Variants in PTPRU observed in about 807,000 individuals in gnomAD.
PTPRU encodes protein tyrosine phosphatase receptor type U, also known as receptor-type tyrosine-protein phosphatase U.
PTPRU carries 69 observed loss-of-function variants against 166.3 expected under a neutral mutation model. The observed-to-expected ratio is 0.41, with a 90% CI of 0.34 to 0.51. The LOEUF is 0.51. Among genes scored for constraint, PTPRU ranks in the 20% least tolerant of loss-of-function variants. The pLI, the probability that PTPRU is intolerant of heterozygous loss-of-function variation, is 0.09. For missense variants in PTPRU, 1,657 were observed against 2,013.7 expected (o/e 0.82, Z 3.39); for synonymous variants, 793 against 814.0 (o/e 0.97, Z 0.44).
At chr1:29,293,563 C>T (rs1686748566) in intron 15 of PTPRU, among the ~76,000 whole-genome samples, 1 of 152,012 alleles carries the variant, frequency 6.6e-6, no homozygotes, top group African/African-American at 2.4e-5. Flanking sequence ...CAAGCTCCGC[C>T]TCCCGCATTC....
At chr1:29,250,154 G>A (rs903670476) in intron 1 of PTPRU, among the ~76,000 whole-genome samples, 2 of 151,696 alleles carry the variant, frequency 1.3e-5, no homozygotes, top group Non-Finnish European at 2.9e-5. Flanking sequence ...CCCCTCCCCT[G>A]GACCCCCTCT....
chr1:29,252,519 C>T (rs1404432979), intron 1 of PTPRU, among the ~76,000 whole-genome samples: 5 of 152,086 alleles, frequency 3.3e-5, no homozygotes, highest in African/African-American at 4.8e-5. Flanking sequence ...CTGCCTGCCT[C>T]GGCCTCCCAA....
intron 15 of PTPRU, among the ~76,000 whole-genome samples, chr1:29,300,005 A>G (rs1402279985): frequency 1.3e-5 from 2 of 152,202 alleles, no homozygotes; most frequent in Non-Finnish European, 2.9e-5. Flanking sequence ...GGAAATGACT[A>G]GTAATGTCAA....
At chr1:29,268,689 C>T (rs1358258740) in intron 7 of PTPRU, among the ~76,000 whole-genome samples, 1 of 152,192 alleles carries the variant, frequency 6.6e-6, no homozygotes, top group Non-Finnish European at 1.5e-5. Flanking sequence ...ACACAGTAAG[C>T]ACCCAGTAAA....
chr1:29,325,821 C>A lies in PTPRU; in HGVS notation c.*160C>A. ...ATCTTGCTCCCCCTTCCACTGTGGG[C>A]AGGGCCTTTCGCTTGTCCCATGGGC... On this transcript the variant is annotated 3_prime_UTR_variant, in exon 30 of 30. Transcript: ENST00000373779. 1 of 813,990 alleles carries A rather than the reference C, an allele frequency of 1.2e-6. No individual in the cohort carries two copies. 50.4% of individuals were successfully genotyped at this position (813,990 alleles called of 1,614,324 possible).
chr1:29,260,098 C>A lies in PTPRU; in HGVS notation c.850+54C>A, dbSNP rs1263787012. On this transcript the variant is annotated intron_variant, in intron 6 of 29. Coordinates refer to ENST00000373779, the MANE Select transcript of PTPRU (RefSeq NM_133178.4). The surrounding 1 kb of genome is among the most constrained non-coding windows in gnomAD (Gnocchi z 8.3). ...GGACCTCACCCTCGAGGGGCGGGGC[C>A]GGCGACGGGGGCGGGCTCTGCCCGG... The A allele has an allele frequency of 3.8e-6, 4 of 1,046,916 alleles. No individual in the cohort carries two copies. The highest frequency in any genetic ancestry group is 4.7e-6 in the Non-Finnish European group (4 of 850,774). The allele number at this position is 1,046,916 out of a possible 1,614,324, so 64.9% of individuals were successfully genotyped here. A position where few individuals can be genotyped will look rare whatever the true frequency, so the allele number is the denominator to read the frequency against.
chr1:29,295,760 C>T (rs990084888), intron 15 of PTPRU, among the ~76,000 whole-genome samples: 1 of 152,050 alleles, frequency 6.6e-6, no homozygotes, highest in South Asian at 2.1e-4. Context: ...AATCTCAGCT[C>T]ACTCCAACCT....
At position 29,236,680 on chromosome 1, in the gene PTPRU, CT is replaced by C; in HGVS notation, c.38del (p.Phe13SerfsTer60). 6.8e-7 allele frequency: 1 copy of C among 1,465,058 alleles called. No individual in the cohort carries two copies. Among genetic ancestry groups the C allele is most frequent in the Non-Finnish European group, 9.0e-7 (1 of 1,110,304 alleles). The allele number at this position is 1,465,058 out of a possible 1,614,324, so 90.8% of individuals were successfully genotyped here. A position where few individuals can be genotyped will look rare whatever the true frequency, so the allele number is the denominator to read the frequency against. ...RAQALVLALTFQLCAPETETP... is the reference protein window; with the variant it reads ...RAQALVLALTXQLCAPETETP... ...CCCAGGCGCTCGTGCTGGCACTCAC[CT>C]TCCAGCTCTGCGCGCCGGAGACCGA... On this transcript the variant is annotated frameshift_variant, in exon 1 of 30. Transcript: ENST00000373779. LOFTEE classifies it high-confidence loss of function. This position sits in a 1 kb window ranked among gnomAD's most constrained non-coding sequence, Gnocchi z 4.6.
In PTPRU at chr1:29,318,820, C is replaced by T. The variant is rs193104235; in HGVS notation, c.3687+899C>T. Among the ~76,000 whole-genome samples the T allele has an allele frequency of 3.2e-4, 49 of 152,340 alleles. No homozygotes were observed. In the East Asian group the frequency reaches 8.3e-3, roughly 26 times the overall value. ...AGGAAGGAGTGGAGCCAAGCAGCCT[C>T]GCTCATGGGAGGAGTGAGTGAAGGA... On this transcript the variant is annotated intron_variant, in intron 25 of 29. Transcript: ENST00000373779.
chr1:29,256,882 G>A (rs972739542), intron 2 of PTPRU, among the ~76,000 whole-genome samples: 2 of 152,178 alleles, frequency 1.3e-5, no homozygotes, highest in African/African-American at 4.8e-5. Context: ...GACATACCCA[G>A]TGAGAAAGGG....
intron 15 of PTPRU, among the ~76,000 whole-genome samples, chr1:29,301,230 T>G (rs1687117880): frequency 6.6e-6 from 1 of 152,110 alleles, no homozygotes; most frequent in Non-Finnish European, 1.5e-5. Flanking sequence ...CATAATGAAG[T>G]TTTGGTCAAC....
chr1:29,309,617 A>C (rs1687557006), intron 18 of PTPRU, among the ~76,000 whole-genome samples: 1 of 152,250 alleles, frequency 6.6e-6, no homozygotes, highest in Admixed American at 6.5e-5. Context: ...GACATTTAAC[A>C]TACTACTTTA....
chr1:29,242,275 G>C (rs1684092730), intron 1 of PTPRU, among the ~76,000 whole-genome samples: 2 of 152,284 alleles, frequency 1.3e-5, no homozygotes, highest in East Asian at 3.9e-4. Context: ...TGTCCACAAG[G>C]GGTGTGGACG....
intron 17 of PTPRU, among the ~76,000 whole-genome samples, chr1:29,305,094 A>G (rs1687325238): frequency 1.3e-5 from 2 of 152,194 alleles, no homozygotes; most frequent in Admixed American, 6.5e-5. Context: ...GGAGATTAAG[A>G]TTCCTGCTTA....
Position 29,291,934 on chromosome 1 carries a change from C to T in PTPRU, c.2384C>T (p.Ala795Val). 6.2e-7 allele frequency: 1 copy of T among 1,614,202 alleles called. No homozygotes were observed. The highest frequency in any genetic ancestry group is 8.5e-7 in the Non-Finnish European group (1 of 1,180,040). Reference sequence around the variant, plus strand: ...CAGGAGAAGACACACATGATGAGCGCCGTGGACCGCAGCTTCACAGACCAG... The same window carrying T: ...CAGGAGAAGACACACATGATGAGCGTCGTGGACCGCAGCTTCACAGACCAG... ...YRQEKTHMMS[A>V]VDRSFTDQST... Residue 795 changes from alanine (A) to valine (V), a missense_variant, in exon 15 of 30, where the codon GCC becomes GTC. Ala to Val is a moderately conservative substitution (Grantham distance 64). This residue lies in a region of PTPRU where 1,190 missense variants were observed against 1,477.4 expected (regional missense o/e 0.81). Transcript: ENST00000373779. The surrounding 1 kb of genome is among the most constrained non-coding windows in gnomAD (Gnocchi z 4.1).
rs571334372 is a variant in PTPRU at position 29,307,748 on chromosome 1, G to C, written c.2820+2320G>C. ...TGGATAGTCTGTTTTTAAATATTAT[G>C]CTTTTTTTTTTTTTTTTTTTTTTTT... is the stretch of plus-strand genomic sequence containing the variant. On this transcript the variant is annotated intron_variant, in intron 18 of 29. Coordinates refer to ENST00000373779, the MANE Select transcript of PTPRU (RefSeq NM_133178.4). Among the ~76,000 whole-genome samples, 38 of 99,796 alleles carry C rather than the reference G, an allele frequency of 3.8e-4. 1 individual carries two copies. In the South Asian group the frequency reaches 0.012, roughly 32 times the overall value. 65.5% of individuals were successfully genotyped at this position (99,796 alleles called of 152,430 possible).
chr1:29,257,720 C>G lies in PTPRU; in HGVS notation c.206-785C>G, dbSNP rs1214845186. ...TATTCATTCAGCTTGCGTCCTGAGG[C>G]CTCACAGCCTGGTGGGAGACACACA... On this transcript the variant is annotated intron_variant, in intron 2 of 29. Coordinates refer to ENST00000373779, the MANE Select transcript of PTPRU (RefSeq NM_133178.4). The surrounding 1 kb of genome is among the most constrained non-coding windows in gnomAD (Gnocchi z 4.6). Among the ~76,000 whole-genome samples the G allele has an allele frequency of 1.3e-5, 2 of 152,136 alleles. No individual in the cohort carries two copies. Among genetic ancestry groups the G allele is most frequent in the Non-Finnish European group, 2.9e-5 (2 of 68,034 alleles).
intron 15 of PTPRU, among the ~76,000 whole-genome samples, chr1:29,293,002 T>C (rs988562834): frequency 1.3e-5 from 2 of 151,972 alleles, no homozygotes; most frequent in Non-Finnish European, 2.9e-5. Context: ...TTTTTTGAGA[T>C]GGAGTCTCAC....
chr1:29,282,848 A>T lies in PTPRU; in HGVS notation c.2041A>T (p.Thr681Ser). Residue 681 changes from threonine (T) to serine (S), a missense_variant, in exon 12 of 30, where the codon ACC (threonine) becomes TCC (serine). By Grantham distance (58) the Thr-to-Ser change is moderately conservative. This residue lies in a region of PTPRU where 1,190 missense variants were observed against 1,477.4 expected (regional missense o/e 0.81). Transcript: ENST00000373779. ...ASSLPEAMPFTVGDNQTYRGF... is the reference protein window; with the variant it reads ...ASSLPEAMPFSVGDNQTYRGF... The stretch of plus-strand genomic sequence containing the variant: ...CAGTCTACCTGAGGCCATGCCCTTT[A>T]CCGTGGGTGACAACCAGACCTACCG... The T allele has an allele frequency of 5.0e-6, 8 of 1,614,096 alleles. No individual in the cohort carries two copies. The highest frequency in any genetic ancestry group is 6.8e-6 in the Non-Finnish European group (8 of 1,180,002).
Sources: gnomAD v4.1 joint callset for allele counts (sites outside exome capture counted in the v4.1 genomes callset) on GRCh38, gnomAD v4.1.1 for gene constraint, gnomAD v4.1.1 regional missense constraint, Gnocchi (gnomAD v3.1) non-coding constraint, MANE v1.5 for transcripts, NCBI Gene and HGNC (gene_info 2026-07-23, HGNC 2026-07-21) for gene names.